NARS2: variants seen among roughly 807,000 people sequenced by gnomAD.
NARS2 encodes asparaginyl-tRNA synthetase.
Under a neutral mutation model 62.9 loss-of-function variants are expected in NARS2, and 60 were observed. That is an observed-to-expected ratio of 0.95 (90% CI 0.77 to 1.18). NARS2 has a LOEUF of 1.18. NARS2 is among the 50% of genes most tolerant of loss of function. NARS2 has a pLI of 0.00. For missense variants in NARS2, 619 were observed against 576.4 expected (o/e 1.07, Z -0.76); for synonymous variants, 196 against 200.0 (o/e 0.98, Z 0.17).
At chr11:78,505,765 A>T (rs1590789508) in intron 6 of NARS2, among the ~76,000 whole-genome samples, 1 of 152,234 alleles carries the variant, frequency 6.6e-6, no homozygotes, top group African/African-American at 2.4e-5. Flanking sequence ...ACAAGCTAAG[A>T]TATAAAATCC....
intron 11 of NARS2, among the ~76,000 whole-genome samples, chr11:78,446,955 G>A (rs553622449): frequency 6.6e-6 from 1 of 151,570 alleles, no homozygotes; most frequent in South Asian, 2.1e-4. Context: ...CTTATAAGGG[G>A]TTAATACCCA....
intron 13 of NARS2, among the ~76,000 whole-genome samples, chr11:78,438,900 G>A (rs556890101): frequency 6.6e-6 from 1 of 152,126 alleles, no homozygotes; most frequent in South Asian, 2.1e-4. Flanking sequence ...GCAAATTCAA[G>A]GAGATCTTAA....
intron 6 of NARS2, among the ~76,000 whole-genome samples, chr11:78,504,582 G>A (rs547900561): frequency 1.3e-5 from 2 of 152,170 alleles, no homozygotes; most frequent in South Asian, 4.1e-4. Flanking sequence ...GAGAGGGAAG[G>A]AAAACCATGA....
chr11:78,568,189 T>G (rs930832175), intron 3 of NARS2, among the ~76,000 whole-genome samples: 1 of 152,246 alleles, frequency 6.6e-6, no homozygotes, highest in African/African-American at 2.4e-5. Context: ...ATGCAACTAC[T>G]GAGCACTTGA....
intron 5 of NARS2, among the ~76,000 whole-genome samples, chr11:78,535,287 T>C (rs966508927): frequency 2.6e-5 from 4 of 152,230 alleles, no homozygotes; most frequent in African/African-American, 9.6e-5. Flanking sequence ...CTTCCGATTC[T>C]TGAAACAATG....
chr11:78,525,417 C>T (rs1861260756), intron 6 of NARS2, among the ~76,000 whole-genome samples: 1 of 152,004 alleles, frequency 6.6e-6, no homozygotes, highest in Non-Finnish European at 1.5e-5. Context: ...AGGAATTAGT[C>T]AAAGTACAGG....
chr11:78,546,573 T>C (rs186875039), intron 5 of NARS2: 5 of 152,320 alleles, frequency 3.3e-5, no homozygotes, highest in Non-Finnish European at 7.3e-5. Flanking sequence ...TGTTCACCAC[T>C]TTTCCTCCAG....
At chr11:78,563,885 GTAT>G (rs550249150) in intron 4 of NARS2, among the ~76,000 whole-genome samples, 1,037 of 82,008 alleles carry the variant, frequency 0.013, 20 homozygotes, top group African/African-American at 0.043. Context: ...CACACACACA[GTAT>G]TATTATTATT....
At chr11:78,503,084 T>C (rs1398488220) in intron 6 of NARS2, among the ~76,000 whole-genome samples, 1 of 150,996 alleles carries the variant, frequency 6.6e-6, no homozygotes, top group Non-Finnish European at 1.5e-5. Flanking sequence ...ATAAGAGAGG[T>C]GATTTCATTC....
At chr11:78,462,200 G>C (rs1297114517) in intron 11 of NARS2, among the ~76,000 whole-genome samples, 1 of 152,204 alleles carries the variant, frequency 6.6e-6, no homozygotes, top group East Asian at 1.9e-4. Flanking sequence ...TGTGTTGGAG[G>C]GGGAGCTGGA....
intron 5 of NARS2, among the ~76,000 whole-genome samples, chr11:78,554,388 A>C (rs903893132): frequency 6.6e-6 from 1 of 152,180 alleles, no homozygotes; most frequent in East Asian, 1.9e-4. Context: ...CTTCCTACCC[A>C]TGAGCATGGG....
At chr11:78,516,531 T>G (rs954082315) in intron 6 of NARS2, among the ~76,000 whole-genome samples, 20 of 152,342 alleles carry the variant, frequency 1.3e-4, no homozygotes, top group Admixed American at 1.2e-3. Context: ...CGTTTAATGC[T>G]CATCTTGCTC....
intron 5 of NARS2, among the ~76,000 whole-genome samples, chr11:78,532,218 G>A (rs1000233713): frequency 5.9e-5 from 9 of 151,982 alleles, no homozygotes; most frequent in African/African-American, 2.2e-4. Flanking sequence ...CAGTGGGGAA[G>A]GATTTCTTTA....
rs1201661829 is a variant in NARS2, at chr11:78,507,150, C to A, written c.690-13955G>T. On this transcript the variant is annotated intron_variant, in intron 6 of 13. Transcript: ENST00000281038. Reference sequence around the variant, plus strand: ...AGTCACCTCCTCTGATTGTTACACGCCCCTCCCCACCCCCCACCCTGCCCC... The same window carrying A: ...AGTCACCTCCTCTGATTGTTACACGACCCTCCCCACCCCCCACCCTGCCCC... 3.3e-5 allele frequency among the ~76,000 whole-genome samples: 5 copies of A among 150,488 alleles called. No individual in the cohort carries two copies. In the East Asian group the frequency reaches 7.8e-4, roughly 24 times the overall value.
intron 7 of NARS2, among the ~76,000 whole-genome samples, chr11:78,491,993 A>G (rs528000948): frequency 1.3e-5 from 2 of 152,242 alleles, no homozygotes; most frequent in Admixed American, 6.5e-5. Context: ...CCAAACTAAG[A>G]TAGTAACCAC....
chr11:78,452,704 C>G (rs1858015868), intron 11 of NARS2, among the ~76,000 whole-genome samples: 1 of 152,120 alleles, frequency 6.6e-6, no homozygotes, highest in South Asian at 2.1e-4. Context: ...TCACCATGCC[C>G]AGCTCTATGA....
rs565514386 is a variant in NARS2 at position 78,486,188 on chromosome 11, T to A, written c.822+6875A>T. Reference sequence around the variant, plus strand: ...CTGCACCCAGCCTATTATTTTTTTTTAAATATTTTCTCTTGTCAGTTAGAC... The same window carrying A: ...CTGCACCCAGCCTATTATTTTTTTTAAAATATTTTCTCTTGTCAGTTAGAC... On this transcript the variant is annotated intron_variant, in intron 7 of 13. Transcript: ENST00000281038. Among the ~76,000 whole-genome samples the A allele has an allele frequency of 2.0e-4, 31 of 152,262 alleles. No individual in the cohort carries two copies. The South Asian group carries it at 3.1e-3, about 15-fold the overall frequency.
At chr11:78,529,926 T>C (rs1441582756) in intron 5 of NARS2, among the ~76,000 whole-genome samples, 1 of 152,212 alleles carries the variant, frequency 6.6e-6, no homozygotes. Context: ...TAATGGAGAA[T>C]GTAAGACTCT....
chr11:78,564,525 T>C (rs1856674092), intron 4 of NARS2, among the ~76,000 whole-genome samples: 1 of 152,174 alleles, frequency 6.6e-6, no homozygotes, highest in Non-Finnish European at 1.5e-5. Context: ...TTTTTTAGCT[T>C]GTCTTACTTT....
Sources: gnomAD v4.1 joint callset for allele counts (sites outside exome capture counted in the v4.1 genomes callset) on GRCh38, gnomAD v4.1.1 for gene constraint, MANE v1.5 for transcripts, NCBI Gene and HGNC (gene_info 2026-07-23, HGNC 2026-07-21) for gene names.